SETX: variants seen among roughly 807,000 people sequenced by gnomAD.
SETX encodes the protein senataxin, also known as helicase senataxin.
In SETX, 90 loss-of-function variants were observed where a neutral mutation model predicts 227.2. The observed-to-expected ratio is 0.40, with a 90% CI of 0.33 to 0.47. The LOEUF is 0.47. Among genes scored for constraint, SETX ranks in the 20% least tolerant of loss-of-function variants. The pLI is 0.91. For missense variants in SETX, 3,052 were observed against 3,181.5 expected (o/e 0.96, Z 0.98); for synonymous variants, 1,210 against 1,113.2 (o/e 1.09, Z -1.73).
chr9:132,275,552 T>A, intron 22 of SETX, 132 bp from the exon 23 acceptor site: 1 of 715,550 alleles, frequency 1.4e-6, no homozygotes, highest in Non-Finnish European at 2.3e-6. Context: ...TTTATTCAGC[T>A]AGCAGTGACT....
chr9:132,279,126 T>G (rs1218523552), intron 20 of SETX, among the ~76,000 whole-genome samples: 1 of 152,234 alleles, frequency 6.6e-6, no homozygotes, highest in Non-Finnish European at 1.5e-5. Flanking sequence ...CTGTGCTAAA[T>G]GGATTTCACA....
intron 20 of SETX, among the ~76,000 whole-genome samples, chr9:132,278,478 A>C (rs1843308506): frequency 9.2e-6 from 1 of 108,442 alleles, no homozygotes; most frequent in African/African-American, 3.4e-5. Context: ...TTTTGGAGAC[A>C]CAGTCTCGCT....
At chr9:132,347,447 G>A (rs1429909148) in intron 3 of SETX, among the ~76,000 whole-genome samples, 2 of 151,384 alleles carry the variant, frequency 1.3e-5, no homozygotes, top group East Asian at 2.0e-4. Context: ...TGAGTAGCTG[G>A]GATTACAGGC....
chr9:132,329,362 A>G lies in SETX; in HGVS notation c.2236T>C (p.Leu746=). 1 of 1,614,030 alleles carries G rather than the reference A, an allele frequency of 6.2e-7. No individual in the cohort carries two copies. Among genetic ancestry groups the G allele is most frequent in the Non-Finnish European group, 8.5e-7 (1 of 1,179,980 alleles). Residue 746 remains leucine, a synonymous_variant, in exon 10 of 26, where the codon TTG becomes CTG. Coordinates refer to ENST00000224140, the MANE Select transcript of SETX (RefSeq NM_015046.7). ...CDRGIIVSTR[L]LTDSSTDALE... is the part of the protein sequence containing the mutation. ...GCATCAGTGCTAGAATCAGTCAACAAACGTGTTGATACTATTATTCCTCTG... is the reference window on the plus strand; with the variant it reads ...GCATCAGTGCTAGAATCAGTCAACAGACGTGTTGATACTATTATTCCTCTG...
chr9:132,322,452 C>A (rs1266401158), intron 10 of SETX, among the ~76,000 whole-genome samples: 1 of 152,142 alleles, frequency 6.6e-6, no homozygotes, highest in African/African-American at 2.4e-5. Flanking sequence ...CTATTCTGGA[C>A]AATACATATG....
intron 25 of SETX, among the ~76,000 whole-genome samples, chr9:132,267,411 A>G (rs1435704964): frequency 1.3e-5 from 2 of 152,250 alleles, no homozygotes; most frequent in Non-Finnish European, 2.9e-5. Context: ...TTGGTGTTTA[A>G]TCCATTCCTA....
intron 24 of SETX, 21 bp downstream of exon 24, chr9:132,271,689 G>A: frequency 6.3e-7 from 1 of 1,580,258 alleles, no homozygotes. Flanking sequence ...GTATAAAAGA[G>A]CAACAATGAC....
intron 17 of SETX, among the ~76,000 whole-genome samples, 188 bp from the exon 18 acceptor site, chr9:132,286,682 T>A (rs896806378): frequency 6.6e-6 from 1 of 152,222 alleles, no homozygotes; most frequent in Non-Finnish European, 1.5e-5. Flanking sequence ...CTCAGCTGTG[T>A]TCTGTGCGCT....
chr9:132,316,817 T>C (rs147085833), intron 10 of SETX, among the ~76,000 whole-genome samples: 1 of 152,358 alleles, frequency 6.6e-6, no homozygotes, highest in African/African-American at 2.4e-5. Context: ...CGTATGTGTC[T>C]ATTACTATGG....
At chr9:132,274,528 G>A (rs1470970228) in intron 23 of SETX, among the ~76,000 whole-genome samples, 2 of 149,596 alleles carry the variant, frequency 1.3e-5, no homozygotes, top group Non-Finnish European at 1.5e-5. Context: ...TGCAGCCTCC[G>A]CCTCCTGGGT....
At chr9:132,275,128 A>T in intron 23 of SETX, 128 bp downstream of exon 23, 1 of 982,094 alleles carries the variant, frequency 1.0e-6, no homozygotes, top group South Asian at 1.3e-5. Context: ...GCAGCATCCC[A>T]GCTTCCTCGT....
intron 10 of SETX, among the ~76,000 whole-genome samples, chr9:132,320,045 T>C (rs1846223041): frequency 6.6e-6 from 1 of 152,160 alleles, no homozygotes; most frequent in Non-Finnish European, 1.5e-5. Flanking sequence ...ACAGTGCACA[T>C]GTATCCAATT....
Position 132,264,534 on chromosome 9 carries a change from A to G in SETX, c.7739T>C (p.Val2580Ala). The change falls in exon 26 of 26, where the codon GTT (valine) becomes GCT (alanine). Residue 2580 changes from valine to alanine, a missense_variant. By Grantham distance (64) the Val-to-Ala change is moderately conservative. Transcript: ENST00000224140. ...CTGTATATGGCTCAGGTCCTGGTGA[A>G]CGACAGGGAAGCCCGGCTCGCCCGT... ...PPTGEPGFPV[V>A]HQDLSHIQQP... 3.1e-6 allele frequency: 5 copies of G among 1,613,968 alleles called. No individual in the cohort carries two copies. The highest frequency in any genetic ancestry group is 3.4e-6 in the Non-Finnish European group (4 of 1,179,962).
intron 22 of SETX, 81 bp downstream of exon 22, chr9:132,276,979 A>C (rs1589621747): frequency 8.3e-7 from 1 of 1,204,344 alleles, no homozygotes; most frequent in East Asian, 2.3e-5. Flanking sequence ...GTGTATAGGA[A>C]ATGTATTTAA....
intron 18 of SETX, among the ~76,000 whole-genome samples, chr9:132,285,443 T>C (rs1194746806): frequency 6.6e-6 from 1 of 152,154 alleles, no homozygotes; most frequent in Non-Finnish European, 1.5e-5. Flanking sequence ...ATTTAAAATG[T>C]AACTGAGAAA....
chr9:132,295,142 T>C (rs1381613062), intron 15 of SETX, among the ~76,000 whole-genome samples: 2 of 152,226 alleles, frequency 1.3e-5, no homozygotes, highest in East Asian at 3.8e-4. Flanking sequence ...TTTCACATCT[T>C]CACTTTAGTG....
chr9:132,347,740 T>C, intron 3 of SETX, among the ~76,000 whole-genome samples: 1 of 152,018 alleles, frequency 6.6e-6, no homozygotes, highest in Non-Finnish European at 1.5e-5. Flanking sequence ...ATGTCTTCCC[T>C]TCTATGTTCT....
At chr9:132,355,440 A>G (rs753895146), upstream of SETX, among the ~76,000 whole-genome samples, 1 of 152,252 alleles carries the variant, frequency 6.6e-6, no homozygotes, top group Non-Finnish European at 1.5e-5. Context: ...CCTGAAATGT[A>G]AATTACATAA....
chr9:132,333,383 GAAAAAAA>G (rs1239660225), intron 7 of SETX, among the ~76,000 whole-genome samples: 2 of 7,336 alleles, frequency 2.7e-4, no homozygotes, highest in Non-Finnish European at 5.1e-4. Context: ...GTCTCAAAAA[GAAAAAAA>G]AAAAAAAGAA....
Sources: gnomAD v4.1 joint callset for allele counts (sites outside exome capture counted in the v4.1 genomes callset) on GRCh38, gnomAD v4.1.1 for gene constraint, MANE v1.5 for transcripts, NCBI Gene and HGNC (gene_info 2026-07-23, HGNC 2026-07-21) for gene names.